The following SECISBP2L variants were observed in gnomAD, a reference collection of about 807,000 sequenced individuals.
SECISBP2L encodes the protein selenocysteine insertion sequence-binding protein 2-like.
SECISBP2L carries 43 observed loss-of-function variants against 114.7 expected under a neutral mutation model. The observed-to-expected ratio is 0.38, with a 90% CI of 0.29 to 0.48. The LOEUF (loss-of-function observed/expected upper bound fraction) is 0.48, where lower values mean the gene tolerates loss of function less well. Ranked by LOEUF, SECISBP2L falls within the 20% of genes least tolerant of loss-of-function variation. The pLI is 0.98. For synonymous variants in SECISBP2L, 451 were observed against 439.7 expected (o/e 1.03, Z -0.32); for missense variants, 1,136 against 1,301.1 (o/e 0.87, Z 1.95).
chr15:49,035,266 A>T, intron 3 of SECISBP2L, 68 bp downstream of exon 3: 2 of 1,403,920 alleles, frequency 1.4e-6, no homozygotes, highest in Non-Finnish European at 1.9e-6. Context: ...AATCAACCCA[A>T]GTAGCAAATT....
chr15:49,009,659 A>G (rs1387518869), intron 13 of SECISBP2L, among the ~76,000 whole-genome samples: 2 of 151,940 alleles, frequency 1.3e-5, no homozygotes, highest in Non-Finnish European at 2.9e-5. Context: ...AAATCGCTTG[A>G]ATCTGGGAGT....
intron 3 of SECISBP2L, 151 bp from the exon 4 acceptor site, chr15:49,033,251 G>T: frequency 1.1e-6 from 1 of 903,052 alleles, no homozygotes; most frequent in Non-Finnish European, 1.6e-6. Flanking sequence ...TAGTACTAGG[G>T]TTTCATGAAA....
At chr15:49,032,882 A>G in intron 4 of SECISBP2L, 83 bp downstream of exon 4, 1 of 1,507,058 alleles carries the variant, frequency 6.6e-7, no homozygotes, top group East Asian at 2.3e-5. Flanking sequence ...CAATTCTGAC[A>G]AGTGGTTCAG....
In SECISBP2L at chr15:49,046,427, A is replaced by C; in HGVS notation, c.-128T>G. On this transcript the variant is annotated 5_prime_UTR_variant, in exon 1 of 18. Transcript: ENST00000559471. ...CCGCCCCTATCTGGCTGGCCGCGAC[A>C]CCGATTCGGCTACGCCACTGGCCGA... 1.9e-6 allele frequency: 2 copies of C among 1,054,026 alleles called. No homozygotes were observed. Among genetic ancestry groups the C allele is most frequent in the Non-Finnish European group, 2.6e-6 (2 of 777,746 alleles). The allele number at this position is 1,054,026 out of a possible 1,614,324, so 65.3% of individuals were successfully genotyped here. A position where few individuals can be genotyped will look rare whatever the true frequency, so the allele number is the denominator to read the frequency against.
intron 4 of SECISBP2L, 58 bp downstream of exon 4, chr15:49,032,907 G>C: frequency 1.3e-6 from 2 of 1,589,314 alleles, no homozygotes; most frequent in Non-Finnish European, 8.6e-7. Flanking sequence ...CAATTATAAA[G>C]TGAATGAATG....
At chr15:48,999,531 A>G (rs1456487220) in intron 16 of SECISBP2L, among the ~76,000 whole-genome samples, 1 of 152,224 alleles carries the variant, frequency 6.6e-6, no homozygotes, top group Non-Finnish European at 1.5e-5. Flanking sequence ...GTAATATCAG[A>G]TATCTTTAAC....
chr15:49,041,716 G>C (rs1358915603), intron 1 of SECISBP2L, among the ~76,000 whole-genome samples: 1 of 152,100 alleles, frequency 6.6e-6, no homozygotes, highest in Non-Finnish European at 1.5e-5. Context: ...TGAAACTCCA[G>C]AGTATGTACC....
chr15:49,017,146 G>A, intron 9 of SECISBP2L, 131 bp from the exon 10 acceptor site: 1 of 897,506 alleles, frequency 1.1e-6, no homozygotes, highest in Non-Finnish European at 1.6e-6. Context: ...ATGTCATAAA[G>A]AACAGGATTT....
At chr15:49,008,223 C>G (rs1416821831) in intron 14 of SECISBP2L, among the ~76,000 whole-genome samples, 1 of 152,058 alleles carries the variant, frequency 6.6e-6, no homozygotes, top group African/African-American at 2.4e-5. Flanking sequence ...TGTGCCTGTT[C>G]TTCTTTAGTG....
At chr15:49,001,356 T>A (rs1168727230) in intron 14 of SECISBP2L, among the ~76,000 whole-genome samples, 2 of 152,136 alleles carry the variant, frequency 1.3e-5, no homozygotes, top group Non-Finnish European at 2.9e-5. Context: ...ATTATGATAC[T>A]GGTTTATCAC....
At chr15:49,022,244 A>G (rs1902653312) in intron 7 of SECISBP2L, among the ~76,000 whole-genome samples, 1 of 152,166 alleles carries the variant, frequency 6.6e-6, no homozygotes, top group African/African-American at 2.4e-5. Flanking sequence ...CAGCCTCCCA[A>G]GTAGCTAGGA....
intron 7 of SECISBP2L, among the ~76,000 whole-genome samples, chr15:49,027,067 T>A (rs1014563042): frequency 1.3e-5 from 2 of 152,226 alleles, no homozygotes; most frequent in Non-Finnish European, 2.9e-5. Context: ...TGCTTTTGAA[T>A]TTTTATGTGG....
At chr15:49,025,728 A>G (rs902518261) in intron 7 of SECISBP2L, among the ~76,000 whole-genome samples, 2 of 152,214 alleles carry the variant, frequency 1.3e-5, no homozygotes, top group African/African-American at 4.8e-5. Context: ...ACAAAAAAAA[A>G]TGCTGGTATG....
intron 11 of SECISBP2L, 169 bp downstream of exon 11, chr15:49,016,391 C>A (rs1317725058): frequency 1.2e-5 from 6 of 516,940 alleles, no homozygotes; most frequent in Admixed American, 7.6e-5. Flanking sequence ...TCAAGGCTTG[C>A]GGTTTAAGCT....
At chr15:49,035,166 C>T (rs1902979378) in intron 3 of SECISBP2L, among the ~76,000 whole-genome samples, 168 bp downstream of exon 3, 1 of 152,104 alleles carries the variant, frequency 6.6e-6, no homozygotes, top group Non-Finnish European at 1.5e-5. Context: ...GAACAAACAA[C>T]ACAAAGAAAA....
At chr15:49,023,687 T>G (rs778043542) in intron 7 of SECISBP2L, among the ~76,000 whole-genome samples, 1 of 152,178 alleles carries the variant, frequency 6.6e-6, no homozygotes, top group African/African-American at 2.4e-5. Context: ...ACGAGTTGTC[T>G]AAAAGGAAAA....
At position 48,991,089 on chromosome 15, in the gene SECISBP2L, C is replaced by T. The variant is rs1901968835; in HGVS notation, c.*1155G>A. 6.6e-6 allele frequency: 1 copy of T among 152,152 alleles called. No individual in the cohort carries two copies. Among genetic ancestry groups the T allele is most frequent in the Non-Finnish European group, 1.5e-5 (1 of 68,020 alleles). The allele number at this position is 152,152 out of a possible 1,614,324, so 9.4% of individuals were successfully genotyped here. A position where few individuals can be genotyped will look rare whatever the true frequency, so the allele number is the denominator to read the frequency against. On this transcript the variant is annotated 3_prime_UTR_variant, in exon 18 of 18. Coordinates refer to ENST00000559471, the MANE Select transcript of SECISBP2L (RefSeq NM_001193489.2). ...GAATTAATACCTACATATCTGTATACTCTAAATCATCTAATAGTTTCAGCA... is the reference window on the plus strand; with the variant it reads ...GAATTAATACCTACATATCTGTATATTCTAAATCATCTAATAGTTTCAGCA...
At chr15:49,021,690 C>T (rs1357471699) in intron 7 of SECISBP2L, among the ~76,000 whole-genome samples, 2 of 152,098 alleles carry the variant, frequency 1.3e-5, no homozygotes, top group Non-Finnish European at 2.9e-5. Context: ...GTGTTACAAA[C>T]GGTAAAACAA....
Position 49,017,589 on chromosome 15 carries a change from C to T in SECISBP2L, c.1210G>A (p.Ala404Thr). The change falls in exon 9 of 18, where the codon GCT becomes ACT. Residue 404 changes from alanine to threonine, a missense_variant. This residue lies in a region of SECISBP2L where 684 missense variants were observed against 848.7 expected (regional missense o/e 0.81). Coordinates refer to ENST00000559471, the MANE Select transcript of SECISBP2L (RefSeq NM_001193489.2). ...TTTTGTTGAATATTCTCATCCTTAG[C>T]ATTTCCATTCTCATTTAGTTCTTGA... is the stretch of plus-strand genomic sequence containing the variant. ...GFQELNENGN[A>T]KDENIQQKLS... The T allele has an allele frequency of 3.1e-6, 5 of 1,608,522 alleles. No homozygotes were observed. The highest frequency in any genetic ancestry group is 4.2e-6 in the Non-Finnish European group (5 of 1,178,074).
Sources: gnomAD v4.1 joint callset for allele counts (sites outside exome capture counted in the v4.1 genomes callset) on GRCh38, gnomAD v4.1.1 for gene constraint, gnomAD v4.1.1 regional missense constraint, MANE v1.5 for transcripts, NCBI Gene and HGNC (gene_info 2026-07-23, HGNC 2026-07-21) for gene names.